KCNH8: variants seen among roughly 807,000 people sequenced by gnomAD.
KCNH8 encodes the protein potassium voltage-gated channel subfamily H member 8, also known as voltage-gated delayed rectifier potassium channel KCNH8.
A neutral mutation model predicts 103.6 loss-of-function variants in KCNH8; 70 were observed. The observed-to-expected ratio is 0.68, with a 90% CI of 0.56 to 0.82. The LOEUF (loss-of-function observed/expected upper bound fraction) is 0.82, where lower values mean the gene tolerates loss of function less well. KCNH8 is among the 40% of genes least tolerant of loss of function. The pLI, the probability that KCNH8 is intolerant of heterozygous loss-of-function variation, is 0.00. For missense variants in KCNH8, 1,217 were observed against 1,329.9 expected, an observed-to-expected ratio of 0.92 and a Z score of 1.32; for synonymous variants, 498 against 489.4, an observed-to-expected ratio of 1.02 and a Z score of -0.23.
intron 11 of KCNH8, among the ~76,000 whole-genome samples, chr3:19,497,470 C>A (rs186418062): frequency 6.6e-6 from 1 of 152,034 alleles, no homozygotes; most frequent in Non-Finnish European, 1.5e-5. Context: ...TTTCAAATAA[C>A]TTTTTGATTT....
intron 2 of KCNH8, among the ~76,000 whole-genome samples, chr3:19,271,238 T>A (rs1213161736): frequency 2.6e-5 from 4 of 152,162 alleles, no homozygotes; most frequent in African/African-American, 9.6e-5. Context: ...ATTAGCATTT[T>A]TGACTTCAGT....
intron 3 of KCNH8, among the ~76,000 whole-genome samples, chr3:19,331,251 T>A (rs1209612391): frequency 1.8e-5 from 1 of 56,312 alleles, no homozygotes; most frequent in Non-Finnish European, 3.8e-5. Context: ...TTAATTATTT[T>A]TATTTATTTA....
intron 3 of KCNH8, among the ~76,000 whole-genome samples, chr3:19,304,544 T>C (rs1044522360): frequency 6.6e-6 from 1 of 152,048 alleles, no homozygotes; most frequent in Non-Finnish European, 1.5e-5. Flanking sequence ...ACTATAAAAT[T>C]TTTAAAAAAC....
At chr3:19,405,218 G>C (rs2125142733) in intron 7 of KCNH8, among the ~76,000 whole-genome samples, 1 of 151,852 alleles carries the variant, frequency 6.6e-6, no homozygotes, top group South Asian at 2.1e-4. Context: ...TACACAGGTT[G>C]CACGTATTTC....
chr3:19,503,823 A>G (rs1263270346), intron 11 of KCNH8, among the ~76,000 whole-genome samples: 2 of 151,958 alleles, frequency 1.3e-5, no homozygotes, highest in African/African-American at 4.8e-5. Context: ...GATATACCTA[A>G]TGCTAGATGA....
At chr3:19,244,490 T>C (rs1382843244) in intron 1 of KCNH8, among the ~76,000 whole-genome samples, 1 of 152,206 alleles carries the variant, frequency 6.6e-6, no homozygotes, top group African/African-American at 2.4e-5. Flanking sequence ...TACCCAGTAA[T>C]GGGATTGCTG....
Position 19,253,871 on chromosome 3 carries a change from G to C in KCNH8, c.294G>C (p.Met98Ile). 5.0e-6 allele frequency: 8 copies of C among 1,612,466 alleles called. No homozygotes were observed. Among genetic ancestry groups the C allele is most frequent in the Non-Finnish European group, 6.8e-6 (8 of 1,178,754 alleles). Residue 98 changes from methionine (M) to isoleucine (I), a missense_variant, in exon 2 of 16, where the codon ATG becomes ATC. Around this residue, in one of 3 missense-constraint regions of KCNH8, gnomAD observed 244 missense variants for 256.8 expected, o/e 0.95. Coordinates refer to ENST00000328405, the MANE Select transcript of KCNH8 (RefSeq NM_144633.3). The stretch of plus-strand genomic sequence containing the variant: ...AAACAGAATTCAAAGGAGAAATTAT[G>C]TTCTACAAGAAAAACGGTGAGTTGG... ...EEKTEFKGEI[M>I]FYKKNGSPFW... is the part of the protein sequence containing the mutation.
intron 8 of KCNH8, among the ~76,000 whole-genome samples, chr3:19,441,575 C>T (rs1407151267): frequency 6.6e-6 from 1 of 152,308 alleles, no homozygotes; most frequent in East Asian, 1.9e-4. Context: ...ATACTTACTT[C>T]TCTCCTTAAA....
chr3:19,229,491 C>G (rs1297047146), intron 1 of KCNH8, among the ~76,000 whole-genome samples: 1 of 152,032 alleles, frequency 6.6e-6, no homozygotes, highest in African/African-American at 2.4e-5. Flanking sequence ...CTTGCACCCT[C>G]TGAAGCCAGG....
chr3:19,154,650 C>A (rs1429810904), intron 1 of KCNH8, among the ~76,000 whole-genome samples: 4 of 152,168 alleles, frequency 2.6e-5, no homozygotes, highest in Admixed American at 2.6e-4. Context: ...GTTTCTTTCT[C>A]CCAGGGAGTT....
intron 2 of KCNH8, among the ~76,000 whole-genome samples, chr3:19,268,438 C>T (rs2125264336): frequency 6.6e-6 from 1 of 152,078 alleles, no homozygotes; most frequent in Non-Finnish European, 1.5e-5. Context: ...GAGAGAAGGC[C>T]AGTTTAGCTG....
chr3:19,415,290 G>A (rs962535269), intron 7 of KCNH8, among the ~76,000 whole-genome samples: 1 of 151,612 alleles, frequency 6.6e-6, no homozygotes, highest in African/African-American at 2.4e-5. Context: ...CCATTTACAG[G>A]TAAGAAAACA....
intron 1 of KCNH8, among the ~76,000 whole-genome samples, chr3:19,152,344 T>G (rs562491193): frequency 6.6e-6 from 1 of 152,164 alleles, no homozygotes; most frequent in Non-Finnish European, 1.5e-5. Flanking sequence ...GGATACCATT[T>G]GAGAAAAACA....
intron 5 of KCNH8, among the ~76,000 whole-genome samples, chr3:19,376,356 G>A (rs908198566): frequency 5.9e-5 from 9 of 152,278 alleles, no homozygotes; most frequent in Admixed American, 1.3e-4. Context: ...GGAGTGACCC[G>A]ATTTTCCAGG....
chr3:19,180,166 AAACT>A (rs1233720347), intron 1 of KCNH8, among the ~76,000 whole-genome samples: 2 of 152,056 alleles, frequency 1.3e-5, no homozygotes, highest in East Asian at 1.9e-4. Flanking sequence ...ATGTATTATA[AAACT>A]AACTATTTCA....
At chr3:19,221,427 G>A (rs114666545) in intron 1 of KCNH8, among the ~76,000 whole-genome samples, 4,214 of 152,226 alleles carry the variant, frequency 0.028, 74 homozygotes, top group South Asian at 0.053. Flanking sequence ...AGATACATTC[G>A]GCAGTCAGTG....
chr3:19,490,412 T>C (rs893173927), intron 11 of KCNH8, among the ~76,000 whole-genome samples: 5 of 152,168 alleles, frequency 3.3e-5, no homozygotes, highest in Admixed American at 1.3e-4. Flanking sequence ...AGGGTCGGGA[T>C]TGATTGAGCA....
At chr3:19,352,765 C>T (rs1314244037) in intron 5 of KCNH8, among the ~76,000 whole-genome samples, 1 of 152,044 alleles carries the variant, frequency 6.6e-6, no homozygotes, top group African/African-American at 2.4e-5. Context: ...GCACTAAATG[C>T]CCACAAGAGA....
intron 1 of KCNH8, among the ~76,000 whole-genome samples, chr3:19,175,297 C>G (rs1477629311): frequency 6.6e-6 from 1 of 151,334 alleles, no homozygotes; most frequent in Non-Finnish European, 1.5e-5. Context: ...TCTCGGCTCC[C>G]TGCAAGCTCC....
Sources: allele counts gnomAD v4.1 joint callset (sites outside exome capture counted in the v4.1 genomes callset), GRCh38; gene constraint gnomAD v4.1.1; regional missense constraint gnomAD v4.1.1; transcripts MANE v1.5; gene names NCBI Gene and HGNC (gene_info 2026-07-23, HGNC 2026-07-21).